LITAF: variants seen among roughly 807,000 people sequenced by gnomAD.
The protein encoded by LITAF is lipopolysaccharide-induced tumor necrosis factor-alpha factor.
A neutral mutation model predicts 14.5 loss-of-function variants in LITAF; 9 were observed. The observed-to-expected ratio is 0.62, with a 90% CI of 0.37 to 1.08. The LOEUF (loss-of-function observed/expected upper bound fraction) is 1.08. Among genes scored for constraint, LITAF ranks in the 50% least tolerant of loss-of-function variants. The probability of loss-of-function intolerance (pLI) is 0.01; values close to 1 mark genes in which losing one functional copy is unlikely to be tolerated. For synonymous variants in LITAF, 98 were observed against 88.2 expected, an observed-to-expected ratio of 1.11 and a Z score of -0.62; for missense variants, 206 against 213.4, an observed-to-expected ratio of 0.97 and a Z score of 0.22.
chr16:11,620,541 C>T (rs1018035746), intron 3 of LITAF, among the ~76,000 whole-genome samples: 1 of 152,156 alleles, frequency 6.6e-6, no homozygotes, highest in Admixed American at 6.6e-5. Flanking sequence ...TATAAATTAC[C>T]CAGTCACAGG....
chr16:11,611,285 A>G (rs965381732), intron 3 of LITAF, among the ~76,000 whole-genome samples: 2 of 152,230 alleles, frequency 1.3e-5, no homozygotes, highest in South Asian at 2.1e-4. Flanking sequence ...CGAGGCTGCA[A>G]TGAGCCACGA....
intron 3 of LITAF, among the ~76,000 whole-genome samples, chr16:11,627,777 G>C (rs1383648209): frequency 1.3e-5 from 2 of 152,204 alleles, no homozygotes; most frequent in African/African-American, 2.4e-5. Flanking sequence ...CCGGGAGGCA[G>C]AGGTTGCAGT....
chr16:11,552,514 TATTATTTA>T (rs1234106536), intron 3 of LITAF, among the ~76,000 whole-genome samples: 3 of 152,150 alleles, frequency 2.0e-5, no homozygotes, highest in Non-Finnish European at 2.9e-5. Context: ...AGCAAAACAT[TATTATTTA>T]GGTCATGAAA....
intron 3 of LITAF, among the ~76,000 whole-genome samples, chr16:11,621,607 T>C (rs2065051744): frequency 6.6e-6 from 1 of 151,786 alleles, no homozygotes; most frequent in Non-Finnish European, 1.5e-5. Flanking sequence ...TAGACAGGAG[T>C]CAGAAGGGAA....
intron 3 of LITAF, among the ~76,000 whole-genome samples, chr16:11,621,498 C>A (rs1248690283): frequency 6.6e-6 from 1 of 152,238 alleles, no homozygotes; most frequent in East Asian, 1.9e-4. Flanking sequence ...AGCCACCGCT[C>A]CTGGCCCACC....
At chr16:11,597,907 C>T (rs1193706144) in intron 1 of LITAF, among the ~76,000 whole-genome samples, 1 of 152,050 alleles carries the variant, frequency 6.6e-6, no homozygotes, top group African/African-American at 2.4e-5. Context: ...TGCTTTTTTG[C>T]TTTCTTTTTT....
intron 3 of LITAF, among the ~76,000 whole-genome samples, chr16:11,608,124 C>T (rs537244856): frequency 2.6e-5 from 4 of 152,312 alleles, no homozygotes; most frequent in East Asian, 3.9e-4. Flanking sequence ...CTTGCCATCT[C>T]GATCCTCCTA....
intron 1 of LITAF, among the ~76,000 whole-genome samples, chr16:11,592,631 C>T (rs1157930765): frequency 6.7e-6 from 1 of 149,304 alleles, no homozygotes; most frequent in Non-Finnish European, 1.5e-5. Context: ...CAAGAAAATA[C>T]ACAAATGGCC....
At chr16:11,628,027 A>C (rs1036071777) in intron 3 of LITAF, among the ~76,000 whole-genome samples, 13 of 151,618 alleles carry the variant, frequency 8.6e-5, no homozygotes, top group African/African-American at 2.4e-4. Context: ...AAAAAAAAAA[A>C]AAAAAACAAG....
At chr16:11,582,028 T>C (rs2064745110) in intron 1 of LITAF, among the ~76,000 whole-genome samples, 1 of 152,150 alleles carries the variant, frequency 6.6e-6, no homozygotes, top group Non-Finnish European at 1.5e-5. Flanking sequence ...TGTAGAACTG[T>C]AGGGTGAATA....
At chr16:11,575,941 C>T (rs566509278) in intron 1 of LITAF, among the ~76,000 whole-genome samples, 7 of 152,282 alleles carry the variant, frequency 4.6e-5, no homozygotes, top group East Asian at 3.9e-4. Flanking sequence ...AGTGCAGTGG[C>T]GCAATCATAG....
intron 2 of LITAF, among the ~76,000 whole-genome samples, chr16:11,554,770 A>G (rs573462666): frequency 6.8e-6 from 1 of 146,094 alleles, no homozygotes; most frequent in East Asian, 2.0e-4. Context: ...CCTGGGCAAC[A>G]GAACAAGACT....
Position 11,634,008 on chromosome 16 carries a change from G to A in LITAF, c.-20-371C>T, listed in dbSNP as rs943260697. On this transcript the variant is annotated intron_variant, in intron 2 of 3. Transcript: ENST00000574848. The surrounding 1 kb of genome is among the most constrained non-coding windows in gnomAD (Gnocchi z 4.1). ...TGCTGTGATTAGTGGCATCACACACGCAGACATGTGTAAGGCCACTTAGCA... is the reference window on the plus strand; with the variant it reads ...TGCTGTGATTAGTGGCATCACACACACAGACATGTGTAAGGCCACTTAGCA... 2.6e-5 allele frequency among the ~76,000 whole-genome samples: 4 copies of A among 152,304 alleles called. No homozygotes were observed. The highest frequency in any genetic ancestry group is 4.1e-4 in the South Asian group (2 of 4,820).
At chr16:11,622,793 C>T (rs1597374664) in intron 3 of LITAF, among the ~76,000 whole-genome samples, 1 of 152,034 alleles carries the variant, frequency 6.6e-6, no homozygotes, top group Non-Finnish European at 1.5e-5. Flanking sequence ...GTGGAATATG[C>T]TTAGTGGATG....
At chr16:11,639,624 A>ATTT (rs756273366), upstream of LITAF, among the ~76,000 whole-genome samples, 4,378 of 149,742 alleles carry the variant, frequency 0.029, 115 homozygotes, top group Non-Finnish European at 0.049. Context: ...ATTTTTAAAA[A>ATTT]AAAAAAAGAA....
intron 3 of LITAF, among the ~76,000 whole-genome samples, chr16:11,630,595 G>A (rs1188028917): frequency 7.0e-6 from 1 of 142,556 alleles, no homozygotes; most frequent in East Asian, 2.0e-4. Context: ...TTTTTTGGTG[G>A]TGAGACAGGG....
upstream of LITAF, among the ~76,000 whole-genome samples, chr16:11,638,711 A>G (rs1467460437): frequency 1.9e-5 from 1 of 52,974 alleles, no homozygotes; most frequent in Non-Finnish European, 3.1e-5. Context: ...CAAAAAAAAA[A>G]AAAAAAAAAA....
chr16:11,620,166 TC>T lies in LITAF; in HGVS notation c.85+13366del, dbSNP rs1297484499. Among the ~76,000 whole-genome samples the T allele has an allele frequency of 5.3e-5, 6 of 113,636 alleles. No individual in the cohort carries two copies. In the East Asian group the frequency reaches 1.4e-3, roughly 27 times the overall value. 74.5% of individuals were successfully genotyped at this position (113,636 alleles called of 152,430 possible). A position where few individuals can be genotyped will look rare whatever the true frequency, so the allele number is the denominator to read the frequency against. On this transcript the variant is annotated intron_variant, in intron 3 of 3. Coordinates refer to the LITAF transcript ENST00000574848. ...CTAGAGGACAGAGTGAGAGTCCGTC[TC>T]AAAAAAAAAAAAAAAAGAAAAGAAA...
chr16:11,611,075 G>C lies in LITAF; in HGVS notation c.85+22458C>G, dbSNP rs571166104. On this transcript the variant is annotated intron_variant, in intron 3 of 3. Transcript: ENST00000574848. ...TTTCCAGAAAAAAATACAGTACATG[G>C]CTAGGCATGGTGGCTCATGTCTCAG... 2.3e-3 allele frequency among the ~76,000 whole-genome samples: 349 copies of C among 152,224 alleles called. 3 individuals carry two copies. Among genetic ancestry groups the C allele is most frequent in the African/African-American group, 7.8e-3 (324 of 41,520 alleles).
Sources: gnomAD v4.1 joint callset for allele counts (sites outside exome capture counted in the v4.1 genomes callset) on GRCh38, gnomAD v4.1.1 for gene constraint, Gnocchi (gnomAD v3.1) non-coding constraint, MANE v1.5 for transcripts, NCBI Gene and HGNC (gene_info 2026-07-23, HGNC 2026-07-21) for gene names.